CREB5: variants seen among roughly 807,000 people sequenced by gnomAD.
The protein encoded by CREB5 is cyclic AMP-responsive element-binding protein 5.
In CREB5, 19 loss-of-function variants were observed where a neutral mutation model predicts 57.1. The ratio of observed to expected loss-of-function variants is 0.33; its 90% CI spans 0.23 to 0.49. CREB5 has a LOEUF of 0.49. Ranked by LOEUF, CREB5 falls within the 20% of genes least tolerant of loss-of-function variation. The pLI is 0.99. For synonymous variants in CREB5, 238 were observed against 238.3 expected (o/e 1.00, Z 0.01); for missense variants, 579 against 671.6 (o/e 0.86, Z 1.52).
intron 1 of CREB5, among the ~76,000 whole-genome samples, chr7:28,451,629 A>G (rs1487966602): frequency 1.3e-5 from 2 of 151,968 alleles, no homozygotes; most frequent in Admixed American, 1.3e-4. Flanking sequence ...ATGTATGTGT[A>G]TGTGTGTGCA....
chr7:28,358,581 T>C (rs903751201), intron 1 of CREB5, among the ~76,000 whole-genome samples: 4 of 152,214 alleles, frequency 2.6e-5, no homozygotes, highest in South Asian at 2.1e-4. Context: ...AGAACTTTTG[T>C]TTTGCTTTTA....
intron 4 of CREB5, among the ~76,000 whole-genome samples, chr7:28,555,109 T>TTGTGTGTGTGTGTGTGTGTG (rs58647223): frequency 0.099 from 14,667 of 148,766 alleles, 853 homozygotes; most frequent in Non-Finnish European, 0.14. Context: ...ATAAGCTGCA[T>TTGTGTGTGTGTGTGTGTGTG]TGTGTGTGTG....
intron 5 of CREB5, among the ~76,000 whole-genome samples, chr7:28,649,560 T>C (rs1357644978): frequency 6.6e-6 from 1 of 152,190 alleles, no homozygotes; most frequent in Non-Finnish European, 1.5e-5. Context: ...ACATATAGTA[T>C]GGGTCATACT....
intron 1 of CREB5, among the ~76,000 whole-genome samples, chr7:28,344,309 T>G (rs921911226): frequency 6.6e-6 from 1 of 152,226 alleles, no homozygotes; most frequent in African/African-American, 2.4e-5. Context: ...TTAATCCATT[T>G]TGAGTTGATT....
chr7:28,419,175 T>A (rs2128008064), intron 1 of CREB5, among the ~76,000 whole-genome samples: 1 of 152,358 alleles, frequency 6.6e-6, no homozygotes. Flanking sequence ...GTTAAAAGTA[T>A]TGTGTGGAGA....
In CREB5 at chr7:28,386,421, T is replaced by C. The variant is rs536938742; in HGVS notation, c.-25+86980T>C. Among the ~76,000 whole-genome samples the C allele has an allele frequency of 9.8e-5, 15 of 152,346 alleles. No individual in the cohort carries two copies. In the East Asian group the frequency reaches 2.9e-3, roughly 29 times the overall value. ...TGCTGGTTTAACTATCCTTATTTTATAGATAATCTGCCTTTTCCTCTAGGT... is the reference window on the plus strand; with the variant it reads ...TGCTGGTTTAACTATCCTTATTTTACAGATAATCTGCCTTTTCCTCTAGGT... On this transcript the variant is annotated intron_variant, in intron 1 of 9. Coordinates refer to the CREB5 transcript ENST00000396299.
intron 1 of CREB5, among the ~76,000 whole-genome samples, chr7:28,305,986 T>A (rs746400695): frequency 7.0e-6 from 1 of 143,422 alleles, no homozygotes; most frequent in East Asian, 2.0e-4. Context: ...TTTTAATTAG[T>A]TTTTTTTTTG....
At position 28,678,411 on chromosome 7, in the gene CREB5, A is replaced by G. The variant is rs574308126; in HGVS notation, c.465-40342A>G. Among the ~76,000 whole-genome samples, 79 of 152,280 alleles carry G rather than the reference A, an allele frequency of 5.2e-4. 1 individual carries two copies. The highest frequency in any genetic ancestry group is 6.2e-4 in the South Asian group (3 of 4,828). ...CAAAAAAAATAAAAATAAAAATAAA[A>G]ATAAAAGGAAAATACAAGCCTGCAT... On this transcript the variant is annotated intron_variant, in intron 5 of 10. Coordinates refer to ENST00000357727, the MANE Select transcript of CREB5 (RefSeq NM_182898.4).
intron 3 of CREB5, among the ~76,000 whole-genome samples, chr7:28,505,698 A>G (rs1331552260): frequency 6.6e-6 from 1 of 152,190 alleles, no homozygotes; most frequent in Non-Finnish European, 1.5e-5. Context: ...GATGGTTACA[A>G]ATTGTGTAAC....
chr7:28,626,875 C>T (rs41294), intron 5 of CREB5, among the ~76,000 whole-genome samples: 1 of 151,954 alleles, frequency 6.6e-6, no homozygotes, highest in African/African-American at 2.4e-5. Flanking sequence ...GGCCCCAGGA[C>T]GGCTTCAATT....
intron 3 of CREB5, among the ~76,000 whole-genome samples, chr7:28,506,108 A>T (rs1246928462): frequency 6.6e-6 from 1 of 152,194 alleles, no homozygotes; most frequent in Non-Finnish European, 1.5e-5. Context: ...CAAGTCAGCC[A>T]TTTGGGTGCT....
At chr7:28,545,143 C>T (rs1169128272) in intron 4 of CREB5, among the ~76,000 whole-genome samples, 2 of 152,126 alleles carry the variant, frequency 1.3e-5, no homozygotes, top group African/African-American at 2.4e-5. Context: ...TAGTAAAGTT[C>T]CCATTTTTGA....
At chr7:28,372,292 T>C (rs1786723679) in intron 1 of CREB5, among the ~76,000 whole-genome samples, 1 of 151,788 alleles carries the variant, frequency 6.6e-6, no homozygotes, top group African/African-American at 2.4e-5. Context: ...TGGGAGTGAG[T>C]TATTTTGTTT....
chr7:28,436,001 G>C (rs1267265840), intron 1 of CREB5, among the ~76,000 whole-genome samples: 1 of 152,174 alleles, frequency 6.6e-6, no homozygotes, highest in East Asian at 1.9e-4. Context: ...ACATGTCAGA[G>C]TGGCTTGTGG....
chr7:28,573,824 C>T (rs950680509), intron 5 of CREB5, among the ~76,000 whole-genome samples: 2 of 152,106 alleles, frequency 1.3e-5, no homozygotes, highest in Admixed American at 6.5e-5. Context: ...CCAAACCAGA[C>T]CAAAATGAGT....
intron 1 of CREB5, among the ~76,000 whole-genome samples, chr7:28,304,723 G>A (rs1345958719): frequency 6.6e-6 from 1 of 152,090 alleles, no homozygotes; most frequent in African/African-American, 2.4e-5. Flanking sequence ...CACACACCAT[G>A]GAATATGCTA....
intron 5 of CREB5, among the ~76,000 whole-genome samples, chr7:28,637,705 C>T (rs917600811): frequency 2.0e-5 from 3 of 152,196 alleles, no homozygotes; most frequent in African/African-American, 4.8e-5. Flanking sequence ...GAAGAACTTG[C>T]ACTGCTTAGT....
At chr7:28,716,136 T>C (rs1802672590) in intron 5 of CREB5, among the ~76,000 whole-genome samples, 1 of 152,206 alleles carries the variant, frequency 6.6e-6, no homozygotes, top group Non-Finnish European at 1.5e-5. Context: ...ATTTTTTCTC[T>C]AATTTTTTTT....
intron 4 of CREB5, among the ~76,000 whole-genome samples, chr7:28,522,390 GTTTTT>G (rs11291433): frequency 3.1e-5 from 3 of 97,588 alleles, no homozygotes; most frequent in African/African-American, 1.1e-4. Flanking sequence ...CCTGCTCTTT[GTTTTT>G]TTTTTTTTTT....
Sources: gnomAD v4.1 joint callset for allele counts (sites outside exome capture counted in the v4.1 genomes callset) on GRCh38, gnomAD v4.1.1 for gene constraint, MANE v1.5 for transcripts, NCBI Gene and HGNC (gene_info 2026-07-23, HGNC 2026-07-21) for gene names.